PPFIA2: variants seen among roughly 807,000 people sequenced by gnomAD.
PPFIA2 encodes PPFI scaffold protein A2.
PPFIA2 carries 46 observed loss-of-function variants against 175.5 expected under a neutral mutation model. That is an observed-to-expected ratio of 0.26 (90% CI 0.21 to 0.34). The LOEUF is 0.34. PPFIA2 is among the 10% of genes least tolerant of loss of function. The probability of loss-of-function intolerance (pLI) is 1.00; values close to 1 mark genes in which losing one functional copy is unlikely to be tolerated. For missense variants in PPFIA2, 1,179 were observed against 1,506.1 expected, an observed-to-expected ratio of 0.78 and a Z score of 3.60; for synonymous variants, 568 against 511.4, an observed-to-expected ratio of 1.11 and a Z score of -1.49.
intron 3 of PPFIA2, among the ~76,000 whole-genome samples, chr12:81,712,989 C>G (rs889957620): frequency 6.6e-6 from 1 of 151,148 alleles, no homozygotes; most frequent in Non-Finnish European, 1.5e-5. Flanking sequence ...GCCTACATCT[C>G]AAAGTCTAAA....
intron 29 of PPFIA2, 99 bp downstream of exon 29, chr12:81,267,813 C>A: frequency 1.0e-6 from 1 of 982,538 alleles, no homozygotes; most frequent in South Asian, 1.8e-5. Context: ...AGTTAACTTT[C>A]ATTAACAATC....
At chr12:81,502,260 T>A (rs557869286) in intron 4 of PPFIA2, among the ~76,000 whole-genome samples, 1 of 152,096 alleles carries the variant, frequency 6.6e-6, no homozygotes, top group African/African-American at 2.4e-5. Context: ...GCTGCCTACA[T>A]AAAAACGATA....
chr12:81,444,149 C>T (rs1331053978), intron 6 of PPFIA2, among the ~76,000 whole-genome samples: 8 of 152,056 alleles, frequency 5.3e-5, no homozygotes, highest in Admixed American at 4.6e-4. Context: ...CCACCGCGCC[C>T]GGCCATGCCA....
intron 22 of PPFIA2, chr12:81,302,545 C>A: frequency 3.9e-6 from 1 of 257,972 alleles, no homozygotes; most frequent in Non-Finnish European, 8.0e-6. Flanking sequence ...AGCTCAAATC[C>A]TTTGGTTTCC....
At chr12:81,633,795 G>A (rs1408330869) in intron 4 of PPFIA2, among the ~76,000 whole-genome samples, 5 of 152,152 alleles carry the variant, frequency 3.3e-5, no homozygotes, top group Non-Finnish European at 7.4e-5. Context: ...TCCTTATTAG[G>A]ATGGTATTTA....
At chr12:81,703,421 T>A (rs2076731753) in intron 3 of PPFIA2, among the ~76,000 whole-genome samples, 1 of 152,040 alleles carries the variant, frequency 6.6e-6, no homozygotes, top group Non-Finnish European at 1.5e-5. Flanking sequence ...CCAAGTCCTA[T>A]CCCTTAAGTA....
At chr12:81,396,972 C>A (rs902057058) in intron 8 of PPFIA2, among the ~76,000 whole-genome samples, 1 of 151,932 alleles carries the variant, frequency 6.6e-6, no homozygotes, top group Non-Finnish European at 1.5e-5. Flanking sequence ...AATTCTTTAG[C>A]TTGAGCAACT....
rs577206170 is a variant in PPFIA2 at position 81,410,534 on chromosome 12, C to T, written c.646-4631G>A. Reference sequence around the variant, plus strand: ...CAACCCACTGAAGGCTCATGGAACTCTGTTCAAGATAAATATTTCACAACT... The same window carrying T: ...CAACCCACTGAAGGCTCATGGAACTTTGTTCAAGATAAATATTTCACAACT... On this transcript the variant is annotated intron_variant, in intron 7 of 32. Coordinates refer to ENST00000549396, the MANE Select transcript of PPFIA2 (RefSeq NM_003625.5). Among the ~76,000 whole-genome samples the T allele has an allele frequency of 1.9e-3, 285 of 152,210 alleles. 2 individuals carry two copies. The highest frequency in any genetic ancestry group is 4.7e-3 in the Admixed American group (72 of 15,266).
intron 21 of PPFIA2, among the ~76,000 whole-genome samples, chr12:81,334,383 T>C (rs929375885): frequency 6.6e-6 from 1 of 152,116 alleles, no homozygotes; most frequent in Non-Finnish European, 1.5e-5. Context: ...TTTCCTAAAG[T>C]CCATAATTGG....
intron 21 of PPFIA2, among the ~76,000 whole-genome samples, chr12:81,331,520 T>C (rs1312023383): frequency 2.6e-5 from 4 of 152,190 alleles, no homozygotes; most frequent in Non-Finnish European, 5.9e-5. Context: ...AAGCCTATTA[T>C]AGTAGGTCAA....
intron 4 of PPFIA2, among the ~76,000 whole-genome samples, chr12:81,495,920 A>C (rs777731523): frequency 3.9e-5 from 6 of 152,238 alleles, no homozygotes; most frequent in Non-Finnish European, 5.9e-5. Context: ...TGTTAAAAAC[A>C]CATATTATAA....
At chr12:81,565,761 A>T (rs948331619) in intron 4 of PPFIA2, among the ~76,000 whole-genome samples, 3 of 152,222 alleles carry the variant, frequency 2.0e-5, no homozygotes, top group Admixed American at 6.5e-5. Context: ...AGAAATTAAT[A>T]AGGAAATCAA....
chr12:81,388,645 T>C (rs2039480713), intron 8 of PPFIA2, among the ~76,000 whole-genome samples: 2 of 152,118 alleles, frequency 1.3e-5, no homozygotes, highest in African/African-American at 2.4e-5. Flanking sequence ...ATGTTACTTG[T>C]ACATTAATAC....
intron 20 of PPFIA2, among the ~76,000 whole-genome samples, chr12:81,339,572 C>A (rs1373154069): frequency 6.6e-6 from 1 of 151,044 alleles, no homozygotes; most frequent in African/African-American, 2.4e-5. Flanking sequence ...TTTTTCTTTA[C>A]TTTTTTGGTA....
intron 3 of PPFIA2, among the ~76,000 whole-genome samples, chr12:81,681,243 CA>C (rs932940387): frequency 1.8e-4 from 27 of 152,088 alleles, no homozygotes; most frequent in Admixed American, 1.1e-3. Context: ...TAAGAAACTT[CA>C]TTTCTTAAAC....
intron 7 of PPFIA2, among the ~76,000 whole-genome samples, chr12:81,418,920 T>G (rs2045791030): frequency 6.6e-6 from 1 of 152,054 alleles, no homozygotes; most frequent in South Asian, 2.1e-4. Context: ...AATATAATGA[T>G]GTTGGTTAAT....
intron 20 of PPFIA2, among the ~76,000 whole-genome samples, chr12:81,339,688 GT>G (rs2057735169): frequency 6.6e-6 from 1 of 151,932 alleles, no homozygotes; most frequent in African/African-American, 2.4e-5. Flanking sequence ...CTCAGAGTCT[GT>G]TTTTCTAATC....
intron 7 of PPFIA2, among the ~76,000 whole-genome samples, chr12:81,432,270 A>C (rs2048223039): frequency 6.6e-6 from 1 of 151,968 alleles, no homozygotes; most frequent in Non-Finnish European, 1.5e-5. Flanking sequence ...CTTCATTATA[A>C]TTGCTTTTTA....
intron 21 of PPFIA2, among the ~76,000 whole-genome samples, chr12:81,334,472 G>T (rs1180359519): frequency 2.9e-5 from 4 of 137,344 alleles, no homozygotes; most frequent in African/African-American, 8.2e-5. Context: ...GATTATCTAT[G>T]TCTTCTCTCC....
Sources: gnomAD v4.1 joint callset for allele counts (sites outside exome capture counted in the v4.1 genomes callset) on GRCh38, gnomAD v4.1.1 for gene constraint, MANE v1.5 for transcripts, NCBI Gene and HGNC (gene_info 2026-07-23, HGNC 2026-07-21) for gene names.